Variants in IL12RB1 observed in about 807,000 individuals in gnomAD.
The protein encoded by IL12RB1 is interleukin-12 receptor subunit beta-1.
IL12RB1 carries 64 observed loss-of-function variants against 94.4 expected under a neutral mutation model. The observed-to-expected ratio is 0.68, with a 90% CI of 0.55 to 0.83. IL12RB1 has a LOEUF of 0.83. IL12RB1 is among the 40% of genes least tolerant of loss of function. The pLI is 0.00. For missense variants in IL12RB1, 814 were observed against 855.6 expected, an observed-to-expected ratio of 0.95 and a Z score of 0.61; for synonymous variants, 362 against 355.5, an observed-to-expected ratio of 1.02 and a Z score of -0.21.
intron 6 of IL12RB1, 37 bp from the exon 7 acceptor site, chr19:18,075,905 T>C: frequency 1.9e-6 from 3 of 1,607,824 alleles, no homozygotes; most frequent in Non-Finnish European, 2.6e-6. Flanking sequence ...GCCGTAAGAA[T>C]TGTCCAGGAC....
chr19:18,079,864 T>C (rs1027420323), intron 4 of IL12RB1, among the ~76,000 whole-genome samples: 5 of 151,814 alleles, frequency 3.3e-5, no homozygotes, highest in African/African-American at 1.2e-4. Context: ...GCCACTGCAC[T>C]CCAGCCTGGG....
At chr19:18,069,788 C>CCT (rs1273136523) in intron 9 of IL12RB1, 75 bp from the exon 10 acceptor site, 18 of 1,088,572 alleles carry the variant, frequency 1.7e-5, no homozygotes, top group Non-Finnish European at 2.4e-5. Context: ...GCTCCTGCAG[C>CCT]CTCTCTCCCA....
At chr19:18,063,796 G>T in intron 13 of IL12RB1, 80 bp downstream of exon 13, 1 of 1,321,336 alleles carries the variant, frequency 7.6e-7, no homozygotes, top group Non-Finnish European at 1.1e-6. Context: ...GAGAGTGAGG[G>T]CAGGGCTGCT....
At position 18,083,444 on chromosome 19, in the gene IL12RB1, C is replaced by A; in HGVS notation, c.112G>T (p.Asp38Tyr). Residue 38 changes from aspartate (D) to tyrosine (Y), a missense_variant, in exon 2 of 17, where the codon GAT becomes TAT. Asp to Tyr is a radical substitution (Grantham distance 160). Transcript: ENST00000593993. ...ECCFQDPPYP[D>Y]ADSGSASGPR... ...AACTGCCCCGAACCTGAGTCTGCATCCGGATATGGCGGGTCCTGAAAACAG... is the reference window on the plus strand; with the variant it reads ...AACTGCCCCGAACCTGAGTCTGCATACGGATATGGCGGGTCCTGAAAACAG... 1 of 1,614,106 alleles carries A rather than the reference C, an allele frequency of 6.2e-7. No individual in the cohort carries two copies. The highest frequency in any genetic ancestry group is 1.1e-5 in the South Asian group (1 of 91,090).
intron 1 of IL12RB1, among the ~76,000 whole-genome samples, chr19:18,092,111 A>G (rs1402131383): frequency 6.6e-6 from 1 of 150,562 alleles, no homozygotes; most frequent in Non-Finnish European, 1.5e-5. Context: ...GCCTGACCTT[A>G]AGTGATCTGC....
chr19:18,060,465 C>T (rs941355144), intron 15 of IL12RB1, among the ~76,000 whole-genome samples: 6 of 152,180 alleles, frequency 3.9e-5, no homozygotes, highest in Admixed American at 6.6e-5. Context: ...GGTGACAGAG[C>T]GAGACTCCAT....
chr19:18,069,562 C>T lies in IL12RB1; in HGVS notation c.1173G>A (p.Pro391=), dbSNP rs772239442. 1.2e-5 allele frequency: 19 copies of T among 1,609,766 alleles called. No homozygotes were observed. The highest frequency in any genetic ancestry group is 5.0e-5 in the Admixed American group (3 of 59,938). Residue 391 remains proline (P), a synonymous_variant, in exon 10 of 17, where the codon CCG becomes CCA. Coordinates refer to ENST00000593993, the MANE Select transcript of IL12RB1 (RefSeq NM_005535.3). ...GGCCATTACCCATTCCAGCCGGATC[C>T]GGGTCTTGCGGCGCAGTCAGGCTGC... ...ATCSLTAPQD[P]DPAGMATYSW...
upstream of IL12RB1, among the ~76,000 whole-genome samples, chr19:18,087,985 G>A (rs1325067803): frequency 6.6e-6 from 1 of 152,012 alleles, no homozygotes; most frequent in Non-Finnish European, 1.5e-5. Flanking sequence ...TGTGCACCTG[G>A]GCTCACCCCT....
At chr19:18,097,299 T>C (rs1252200783) in intron 1 of IL12RB1, among the ~76,000 whole-genome samples, 1 of 152,136 alleles carries the variant, frequency 6.6e-6, no homozygotes, top group Admixed American at 6.5e-5. Context: ...TGCCTCAGTC[T>C]TCTGAGTAGC....
Position 18,080,948 on chromosome 19 carries a change from T to C in IL12RB1, c.293A>G (p.Gln98Arg), listed in dbSNP as rs1377559024. The change falls in exon 4 of 17, where the codon CAG (glutamine) becomes CGG (arginine). Residue 98 changes from glutamine (Q) to arginine (R), a missense_variant. Coordinates refer to ENST00000593993, the MANE Select transcript of IL12RB1 (RefSeq NM_005535.3). ...AGACACCCCAGCCTGGTCGGAGAAC[T>C]GCAGCCTGGTGGCTGAGCCGGCGGC... ...YFAAGSATRL[Q>R]FSDQAGVSVL... The C allele has an allele frequency of 6.2e-7, 1 of 1,613,846 alleles. No homozygotes were observed. Among genetic ancestry groups the C allele is most frequent in the African/African-American group, 1.3e-5 (1 of 75,012 alleles).
chr19:18,078,758 C>T (rs376008), intron 4 of IL12RB1, among the ~76,000 whole-genome samples: 41,967 of 151,820 alleles, frequency 0.28, 6,107 homozygotes, highest in East Asian at 0.37. Context: ...GAACCTGACC[C>T]AAGGAGAGAC....
upstream of IL12RB1, among the ~76,000 whole-genome samples, chr19:18,090,149 C>G (rs896656063): frequency 9.2e-5 from 14 of 152,148 alleles, no homozygotes; most frequent in Non-Finnish European, 1.9e-4. Flanking sequence ...TTGCTGTAGG[C>G]TAGGAGTTCA....
intron 1 of IL12RB1, among the ~76,000 whole-genome samples, chr19:18,092,899 A>G (rs2036699531): frequency 6.6e-6 from 1 of 152,180 alleles, no homozygotes; most frequent in Admixed American, 6.6e-5. Flanking sequence ...GAGACATGTG[A>G]GGAGAGTTTT....
chr19:18,082,942 G>A (rs2036017614), intron 2 of IL12RB1, among the ~76,000 whole-genome samples: 1 of 152,068 alleles, frequency 6.6e-6, no homozygotes, highest in African/African-American at 2.4e-5. Flanking sequence ...AATTAGCCGG[G>A]TGTGGTGGCG....
chr19:18,090,375 T>G (rs1420696245), upstream of IL12RB1, among the ~76,000 whole-genome samples: 1 of 151,942 alleles, frequency 6.6e-6, no homozygotes, highest in Non-Finnish European at 1.5e-5. Flanking sequence ...AGGAAATAGG[T>G]AGAGATCAGA....
chr19:18,072,425 C>T, intron 8 of IL12RB1, 76 bp from the exon 9 acceptor site: 1 of 923,318 alleles, frequency 1.1e-6, no homozygotes, highest in South Asian at 1.3e-5. Context: ...CAGGGCACAG[C>T]CTATGAAGAC....
chr19:18,059,628 A>C lies in IL12RB1; in HGVS notation c.1984-15T>G, dbSNP rs935868069. ...AACGATCACATCTGTAAAGTACAAC[A>C]GTCATGGTTCCTTTCAGGGGGTGGT... On this transcript the variant is annotated splice_polypyrimidine_tract_variant and intron_variant, in intron 16 of 16. Transcript: ENST00000593993. The C allele has an allele frequency of 2.6e-6, 2 of 780,502 alleles. No individual in the cohort carries two copies. Among genetic ancestry groups the C allele is most frequent in the Non-Finnish European group, 2.4e-6 (1 of 417,866 alleles). 48.3% of individuals were successfully genotyped at this position (780,502 alleles called of 1,614,324 possible). A position where few individuals can be genotyped will look rare whatever the true frequency, so the allele number is the denominator to read the frequency against.
Position 18,059,131 on chromosome 19 carries a change from A to G in IL12RB1, c.*477T>C. 7.0e-6 allele frequency: 1 copy of G among 143,446 alleles called. No individual in the cohort carries two copies. Among genetic ancestry groups the G allele is most frequent in the Non-Finnish European group, 1.3e-5 (1 of 74,854 alleles). 8.9% of individuals were successfully genotyped at this position (143,446 alleles called of 1,614,324 possible). ...GTCATTATCACCACCCCCATTTTATAGGGGGGTGAGGGTGGGGTGGGGGGT... is the reference window on the plus strand; with the variant it reads ...GTCATTATCACCACCCCCATTTTATGGGGGGGTGAGGGTGGGGTGGGGGGT... On this transcript the variant is annotated 3_prime_UTR_variant, in exon 17 of 17. Coordinates refer to ENST00000593993, the MANE Select transcript of IL12RB1 (RefSeq NM_005535.3).
At chr19:18,070,558 A>T (rs1231049269) in intron 9 of IL12RB1, 1 of 984,700 alleles carries the variant, frequency 1.0e-6, no homozygotes, top group East Asian at 1.1e-4. Flanking sequence ...ACTGCTTGCA[A>T]TTCTGGGGAT....
Sources: allele counts gnomAD v4.1 joint callset (sites outside exome capture counted in the v4.1 genomes callset), GRCh38; gene constraint gnomAD v4.1.1; transcripts MANE v1.5; gene names NCBI Gene and HGNC (gene_info 2026-07-23, HGNC 2026-07-21).